Variants in NKAIN3 observed in about 807,000 individuals in gnomAD.
NKAIN3 encodes the protein sodium/potassium-transporting ATPase subunit beta-1-interacting protein 3.
In NKAIN3, 25 loss-of-function variants were observed where a neutral mutation model predicts 30.2. That is an observed-to-expected ratio of 0.83 (90% CI 0.60 to 1.16). The LOEUF is 1.16. NKAIN3 is among the 50% of genes most tolerant of loss of function. The pLI is 0.00. For synonymous variants in NKAIN3, 91 were observed against 89.6 expected (o/e 1.02, Z -0.09); for missense variants, 225 against 254.1 (o/e 0.89, Z 0.78).
At chr8:62,892,802 C>T (rs542153229) in intron 4 of NKAIN3, among the ~76,000 whole-genome samples, 44 of 152,196 alleles carry the variant, frequency 2.9e-4, no homozygotes, top group Middle Eastern at 3.4e-3. Flanking sequence ...GATACTCCTT[C>T]CTCTGAGAAT....
chr8:62,291,474 T>A (rs1301535806), intron 1 of NKAIN3, among the ~76,000 whole-genome samples: 1 of 152,226 alleles, frequency 6.6e-6, no homozygotes, highest in Non-Finnish European at 1.5e-5. Context: ...CATCTTTATT[T>A]CTGGCTTCAT....
rs892019268 is a variant in NKAIN3 at position 62,867,110 on chromosome 8, A to G, written c.472-51343A>G. Among the ~76,000 whole-genome samples the G allele has an allele frequency of 4.0e-4, 61 of 152,006 alleles. No individual in the cohort carries two copies. In the East Asian group the frequency reaches 8.5e-3, roughly 21 times the overall value. ...TTGCTTTGTTTCCAGAAAAAAAAAA[A>G]AAAAAGAAAAGGGTAAAGAGAGTAA... On this transcript the variant is annotated intron_variant, in intron 4 of 6. Coordinates refer to ENST00000623646, the MANE Select transcript of NKAIN3 (RefSeq NM_001304533.3).
intron 4 of NKAIN3, among the ~76,000 whole-genome samples, chr8:62,870,429 T>C (rs1375990328): frequency 2.9e-5 from 4 of 136,738 alleles, no homozygotes; most frequent in African/African-American, 1.1e-4. Flanking sequence ...TGTACATATA[T>C]ACAATATATA....
At chr8:62,322,428 G>T (rs1716343270) in intron 1 of NKAIN3, among the ~76,000 whole-genome samples, 1 of 152,018 alleles carries the variant, frequency 6.6e-6, no homozygotes, top group Non-Finnish European at 1.5e-5. Flanking sequence ...CTCACACTGG[G>T]AGCTGTAGAC....
intron 4 of NKAIN3, among the ~76,000 whole-genome samples, chr8:62,766,938 A>T (rs778463721): frequency 2.0e-5 from 3 of 149,730 alleles, no homozygotes; most frequent in Middle Eastern, 3.4e-3. Context: ...GCATCACAGT[A>T]GCCAGTATGT....
intron 1 of NKAIN3, among the ~76,000 whole-genome samples, chr8:62,492,041 A>G (rs1807082020): frequency 6.6e-6 from 1 of 152,140 alleles, no homozygotes; most frequent in African/African-American, 2.4e-5. Flanking sequence ...TACTGAGAAC[A>G]GTTTCCTTAG....
chr8:62,888,591 GTTGTTGA>G (rs1261350554), intron 4 of NKAIN3, among the ~76,000 whole-genome samples: 1 of 152,208 alleles, frequency 6.6e-6, no homozygotes, highest in Non-Finnish European at 1.5e-5. Context: ...TCTAAGAAGA[GTTGTTGA>G]TTTTTCAGTT....
intron 4 of NKAIN3, among the ~76,000 whole-genome samples, chr8:62,777,975 G>A (rs1225573121): frequency 2.0e-5 from 3 of 152,066 alleles, no homozygotes; most frequent in Admixed American, 1.3e-4. Flanking sequence ...AGCATGTTGG[G>A]GGGCTTGGAT....
At chr8:62,463,959 A>T (rs1316004317) in intron 1 of NKAIN3, among the ~76,000 whole-genome samples, 3 of 151,978 alleles carry the variant, frequency 2.0e-5, no homozygotes, top group African/African-American at 7.2e-5. Context: ...AAAACTGCAG[A>T]TGAGGGGGAA....
At chr8:62,420,843 A>C (rs1196112707) in intron 1 of NKAIN3, among the ~76,000 whole-genome samples, 1 of 152,226 alleles carries the variant, frequency 6.6e-6, no homozygotes, top group East Asian at 1.9e-4. Flanking sequence ...TAATTGTAGT[A>C]TGATTCTTAA....
intron 5 of NKAIN3, among the ~76,000 whole-genome samples, chr8:62,944,507 T>C (rs1823068048): frequency 6.6e-6 from 1 of 152,202 alleles, no homozygotes; most frequent in African/African-American, 2.4e-5. Flanking sequence ...GTTTATAATA[T>C]TGAGTTTCAC....
rs1823961880 is a variant in NKAIN3, at chr8:62,977,205, A to G, written c.*11798A>G. Among the ~76,000 whole-genome samples, 1 of 152,014 alleles carries G rather than the reference A, an allele frequency of 6.6e-6. No individual in the cohort carries two copies. The highest frequency in any genetic ancestry group is 1.5e-5 in the Non-Finnish European group (1 of 68,004). ...AGAGTATCTTTGTGGTGTTCTCTGT[A>G]TTTCCTGAATTTGTATTCTGTATTT... is the stretch of plus-strand genomic sequence containing the variant. On this transcript the variant is annotated 3_prime_UTR_variant, in exon 7 of 7. Transcript: ENST00000623646.
At chr8:62,963,868 C>T (rs1823636409) in intron 6 of NKAIN3, among the ~76,000 whole-genome samples, 1 of 152,050 alleles carries the variant, frequency 6.6e-6, no homozygotes. Context: ...TCGTTTTCTT[C>T]ATGCTGTACA....
intron 4 of NKAIN3, among the ~76,000 whole-genome samples, chr8:62,907,272 T>C (rs1821803954): frequency 6.6e-6 from 1 of 152,168 alleles, no homozygotes; most frequent in African/African-American, 2.4e-5. Context: ...TGCTGCTAAG[T>C]ATTAATATAT....
intron 3 of NKAIN3, among the ~76,000 whole-genome samples, chr8:62,629,841 T>A (rs1008740131): frequency 1.3e-5 from 2 of 152,142 alleles, no homozygotes; most frequent in African/African-American, 4.8e-5. Flanking sequence ...ATAAACCTTA[T>A]ATATGGATCT....
rs1374587628 is a variant in NKAIN3 at position 62,864,252 on chromosome 8, G to A, written c.472-54201G>A. The A allele has an allele frequency of 1.1e-5, 10 of 910,788 alleles. No individual in the cohort carries two copies. The East Asian group carries it at 1.9e-4, about 18-fold the overall frequency. 56.4% of individuals were successfully genotyped at this position (910,788 alleles called of 1,614,324 possible). A position where few individuals can be genotyped will look rare whatever the true frequency, so the allele number is the denominator to read the frequency against. The stretch of plus-strand genomic sequence containing the variant: ...AAAAACAGCAGGATTAGAGGAGGCG[G>A]CCGAGGCAGACGGCAAAGGACAATG... On this transcript the variant is annotated intron_variant, in intron 4 of 6. Transcript: ENST00000623646.
chr8:62,454,917 G>C (rs1805766038), intron 1 of NKAIN3, among the ~76,000 whole-genome samples: 1 of 152,220 alleles, frequency 6.6e-6, no homozygotes, highest in Non-Finnish European at 1.5e-5. Flanking sequence ...GCCTTGTATA[G>C]TGATCTTGGC....
intron 1 of NKAIN3, among the ~76,000 whole-genome samples, chr8:62,268,761 A>C (rs988768882): frequency 1.3e-5 from 2 of 152,130 alleles, no homozygotes; most frequent in African/African-American, 4.8e-5. Flanking sequence ...TGAGATTCCA[A>C]CCTAACACCA....
intron 5 of NKAIN3, among the ~76,000 whole-genome samples, chr8:62,952,572 TAA>T (rs1349194830): frequency 2.0e-5 from 3 of 152,210 alleles, no homozygotes; most frequent in Non-Finnish European, 4.4e-5. Context: ...TAAATCAACC[TAA>T]GTTTCTTACA....
Sources: gnomAD v4.1 joint callset for allele counts (sites outside exome capture counted in the v4.1 genomes callset) on GRCh38, gnomAD v4.1.1 for gene constraint, MANE v1.5 for transcripts, NCBI Gene and HGNC (gene_info 2026-07-23, HGNC 2026-07-21) for gene names.